The following FBXL7 variants were observed in gnomAD, a reference collection of about 807,000 sequenced individuals.
The protein encoded by FBXL7 is F-box and leucine rich repeat protein 7.
Under a neutral mutation model 38.3 loss-of-function variants are expected in FBXL7, and 12 were observed. The ratio of observed to expected loss-of-function variants is 0.31; its 90% confidence interval spans 0.20 to 0.51. The LOEUF (loss-of-function observed/expected upper bound fraction) is 0.51. FBXL7 is among the 20% of genes least tolerant of loss of function. The pLI, the probability that FBXL7 is intolerant of heterozygous loss-of-function variation, is 0.98. For missense variants in FBXL7, 567 were observed against 676.4 expected, an observed-to-expected ratio of 0.84 and a Z score of 1.79; for synonymous variants, 297 against 300.9, an observed-to-expected ratio of 0.99 and a Z score of 0.13.
At chr5:15,814,322 C>T (rs960041660) in intron 2 of FBXL7, among the ~76,000 whole-genome samples, 3 of 152,020 alleles carry the variant, frequency 2.0e-5, no homozygotes, top group African/African-American at 7.2e-5. Flanking sequence ...CAAACTGACA[C>T]AGAAACAGAA....
intron 2 of FBXL7, among the ~76,000 whole-genome samples, chr5:15,926,151 G>A (rs1741871357): frequency 6.6e-6 from 1 of 152,006 alleles, no homozygotes; most frequent in Non-Finnish European, 1.5e-5. Context: ...GTAAGCTGGG[G>A]AGTATCTTCA....
intron 2 of FBXL7, among the ~76,000 whole-genome samples, chr5:15,698,267 C>A (rs1276258661): frequency 6.6e-6 from 1 of 152,132 alleles, no homozygotes; most frequent in Non-Finnish European, 1.5e-5. Flanking sequence ...GGTACACATC[C>A]CATCCCAGTA....
At chr5:15,770,009 G>A (rs991696513) in intron 2 of FBXL7, among the ~76,000 whole-genome samples, 5 of 152,166 alleles carry the variant, frequency 3.3e-5, no homozygotes, top group Non-Finnish European at 5.9e-5. Context: ...TGGTAGGTCA[G>A]TTTAGAGAAT....
At chr5:15,705,945 A>G (rs1407076718) in intron 2 of FBXL7, among the ~76,000 whole-genome samples, 1 of 152,204 alleles carries the variant, frequency 6.6e-6, no homozygotes, top group Non-Finnish European at 1.5e-5. Context: ...TATACTAGAA[A>G]GGGTGAATTC....
intron 1 of FBXL7, among the ~76,000 whole-genome samples, chr5:15,504,662 C>A (rs946202304): frequency 6.6e-6 from 1 of 152,016 alleles, no homozygotes; most frequent in Non-Finnish European, 1.5e-5. Flanking sequence ...CTGGTAAATT[C>A]TTTTATGGAG....
At chr5:15,651,971 T>C (rs759109971) in intron 2 of FBXL7, among the ~76,000 whole-genome samples, 10 of 152,232 alleles carry the variant, frequency 6.6e-5, no homozygotes, top group Non-Finnish European at 1.5e-4. Context: ...TACAACAGCA[T>C]TTGCTGCTTC....
At chr5:15,620,817 T>G (rs918669601) in intron 2 of FBXL7, among the ~76,000 whole-genome samples, 1 of 152,196 alleles carries the variant, frequency 6.6e-6, no homozygotes, top group African/African-American at 2.4e-5. Context: ...AATTGTGAGA[T>G]TGTAGAGTCA....
At chr5:15,934,631 A>T (rs1223756242) in intron 3 of FBXL7, among the ~76,000 whole-genome samples, 2 of 152,190 alleles carry the variant, frequency 1.3e-5, no homozygotes, top group Non-Finnish European at 2.9e-5. Flanking sequence ...AGCCCTTTGT[A>T]AACTTCGTGA....
At chr5:15,519,456 A>C (rs948892965) in intron 1 of FBXL7, among the ~76,000 whole-genome samples, 1 of 144,102 alleles carries the variant, frequency 6.9e-6, no homozygotes, top group Non-Finnish European at 1.5e-5. Flanking sequence ...AAAAAAAAAA[A>C]CAAACAAACA....
At chr5:15,695,763 A>G (rs1482153789) in intron 2 of FBXL7, among the ~76,000 whole-genome samples, 1 of 152,148 alleles carries the variant, frequency 6.6e-6, no homozygotes, top group Non-Finnish European at 1.5e-5. Flanking sequence ...ATTATCATAC[A>G]ACACATGAAA....
chr5:15,668,953 TGA>T (rs1408072115), intron 2 of FBXL7, among the ~76,000 whole-genome samples: 2 of 152,130 alleles, frequency 1.3e-5, no homozygotes, highest in East Asian at 3.9e-4. Flanking sequence ...ACTGTTACCA[TGA>T]GTAAATGAGA....
intron 2 of FBXL7, among the ~76,000 whole-genome samples, chr5:15,649,954 A>G (rs1421163690): frequency 6.6e-6 from 1 of 152,220 alleles, no homozygotes; most frequent in Admixed American, 6.5e-5. Context: ...TCTGTGAAGC[A>G]GTGCTCGTAT....
At chr5:15,597,803 A>G (rs146549154) in intron 1 of FBXL7, among the ~76,000 whole-genome samples, 7 of 152,380 alleles carry the variant, frequency 4.6e-5, no homozygotes, top group African/African-American at 9.6e-5. Flanking sequence ...GTCTCAGTAC[A>G]TCAAGAAAAA....
intron 1 of FBXL7, among the ~76,000 whole-genome samples, chr5:15,529,248 T>C (rs1359482793): frequency 6.6e-6 from 1 of 152,232 alleles, no homozygotes; most frequent in Admixed American, 6.5e-5. Flanking sequence ...AATGACAGGA[T>C]TGCATTCTTT....
intron 1 of FBXL7, among the ~76,000 whole-genome samples, chr5:15,526,421 G>A (rs1225878536): frequency 6.6e-6 from 1 of 152,176 alleles, no homozygotes; most frequent in Non-Finnish European, 1.5e-5. Flanking sequence ...GAGAGTGCCT[G>A]TTTGTGGGGA....
intron 2 of FBXL7, among the ~76,000 whole-genome samples, chr5:15,647,501 G>A (rs116491361): frequency 0.012 from 1,803 of 152,350 alleles, 29 homozygotes; most frequent in African/African-American, 0.041. Context: ...AGGAGACAAA[G>A]AGGTTTGATG....
chr5:15,754,084 G>T lies in FBXL7; in HGVS notation c.127+138012G>T, dbSNP rs529998666. On this transcript the variant is annotated intron_variant, in intron 2 of 3. Coordinates refer to ENST00000504595, the MANE Select transcript of FBXL7 (RefSeq NM_012304.5). ...CTCATTACCATATTCAGTAAAGCTT[G>T]GGTGGAAATCTGCAAATTTGCCTGT... Among the ~76,000 whole-genome samples the T allele has an allele frequency of 5.9e-5, 9 of 152,278 alleles. No homozygotes were observed. The East Asian group carries it at 1.7e-3, about 29-fold the overall frequency.
At chr5:15,572,724 G>C (rs1235697990) in intron 1 of FBXL7, among the ~76,000 whole-genome samples, 3 of 152,136 alleles carry the variant, frequency 2.0e-5, no homozygotes, top group Non-Finnish European at 4.4e-5. Flanking sequence ...TCAGAAAGCA[G>C]GTTGCTTAAA....
intron 2 of FBXL7, among the ~76,000 whole-genome samples, chr5:15,622,555 G>A (rs556552124): frequency 1.6e-4 from 25 of 152,128 alleles, no homozygotes; most frequent in East Asian, 1.9e-4. Context: ...TTGTCCTTGC[G>A]ACAGTTTGCT....
Sources: allele counts gnomAD v4.1 joint callset (sites outside exome capture counted in the v4.1 genomes callset), GRCh38; gene constraint gnomAD v4.1.1; transcripts MANE v1.5; gene names NCBI Gene and HGNC (gene_info 2026-07-23, HGNC 2026-07-21).